Variants in CSMD2 observed in about 807,000 individuals in gnomAD.
The protein encoded by CSMD2 is CUB and Sushi multiple domains 2.
A neutral mutation model predicts 398.5 loss-of-function variants in CSMD2; 130 were observed. The observed-to-expected ratio is 0.33, with a 90% CI of 0.28 to 0.38. CSMD2 has a LOEUF of 0.38. CSMD2 is among the 10% of genes least tolerant of loss of function. The pLI is 1.00. For missense variants in CSMD2, 3,829 were observed against 4,764.9 expected, an observed-to-expected ratio of 0.80 and a Z score of 5.78; for synonymous variants, 1,828 against 1,908.5, an observed-to-expected ratio of 0.96 and a Z score of 1.10.
intron 9 of CSMD2, among the ~76,000 whole-genome samples, chr1:33,812,719 G>A (rs1313390999): frequency 6.6e-6 from 1 of 152,230 alleles, no homozygotes; most frequent in African/African-American, 2.4e-5. Flanking sequence ...GAGATATGGT[G>A]AGGATGAAAT....
At chr1:33,610,975 A>C in intron 41 of CSMD2, 66 bp downstream of exon 41, 1 of 1,457,096 alleles carries the variant, frequency 6.9e-7, no homozygotes, top group Non-Finnish European at 9.5e-7. Context: ...AAGGCTGGGA[A>C]GGTGGGTGGC....
intron 2 of CSMD2, among the ~76,000 whole-genome samples, chr1:34,052,025 G>A (rs549135156): frequency 2.0e-5 from 3 of 152,090 alleles, no homozygotes; most frequent in South Asian, 2.1e-4. Context: ...GTCTTCAACC[G>A]GGGGTATTGG....
chr1:33,955,022 AG>A (rs1645120351), intron 3 of CSMD2, among the ~76,000 whole-genome samples: 1 of 152,178 alleles, frequency 6.6e-6, no homozygotes, highest in Admixed American at 6.5e-5. Flanking sequence ...TAAAAGGAGG[AG>A]GAGGTCAAGG....
rs766075912 is a variant in CSMD2 at position 33,519,751 on chromosome 1, G to T, written c.10736+61C>A. 2.5e-5 allele frequency: 40 copies of T among 1,612,600 alleles called. No individual in the cohort carries two copies. Among genetic ancestry groups the T allele is most frequent in the Non-Finnish European group, 3.1e-5 (36 of 1,178,948 alleles). ...GAGGCTTAGGGGTCTGGTGCGGGGG[G>T]CCCTGGAGGGAGAGAGGGAGGCCTG... On this transcript the variant is annotated intron_variant, in intron 69 of 70. Transcript: ENST00000373381. This position sits in a 1 kb window ranked among gnomAD's most constrained non-coding sequence, Gnocchi z 5.6.
chr1:33,747,801 A>G (rs964329456), intron 13 of CSMD2, among the ~76,000 whole-genome samples: 1 of 152,220 alleles, frequency 6.6e-6, no homozygotes, highest in Admixed American at 6.5e-5. Flanking sequence ...ATTTATCAAT[A>G]TAAGTCTCAA....
At chr1:33,920,542 C>CAAAAAAAAAAAA (rs58865984) in intron 4 of CSMD2, among the ~76,000 whole-genome samples, 1 of 84,242 alleles carries the variant, frequency 1.2e-5, no homozygotes, top group African/African-American at 3.7e-5. Context: ...CAATCTGTCT[C>CAAAAAAAAAAAA]AAAAAAAAAA....
At chr1:33,672,708 C>T (rs1336623478) in intron 25 of CSMD2, among the ~76,000 whole-genome samples, 2 of 152,206 alleles carry the variant, frequency 1.3e-5, no homozygotes. Context: ...TGGGAGGCAA[C>T]CCCCAGTAGG....
intron 3 of CSMD2, among the ~76,000 whole-genome samples, chr1:33,965,302 C>T (rs1392161409): frequency 1.3e-5 from 2 of 152,186 alleles, no homozygotes; most frequent in African/African-American, 4.8e-5. Context: ...ATTTGCAGGG[C>T]CTCATCATTC....
chr1:33,670,210 T>C (rs1644449268), intron 25 of CSMD2, among the ~76,000 whole-genome samples: 1 of 152,192 alleles, frequency 6.6e-6, no homozygotes, highest in Non-Finnish European at 1.5e-5. Context: ...TCCTGCTCTA[T>C]CAGAGTCATC....
intron 6 of CSMD2, among the ~76,000 whole-genome samples, chr1:33,835,631 AC>A (rs1660132982): frequency 7.1e-6 from 1 of 140,340 alleles, no homozygotes; most frequent in South Asian, 2.5e-4. Flanking sequence ...GTGTACATGT[AC>A]CCTAAAACTT....
At chr1:33,688,034 A>G (rs1333523241) in intron 25 of CSMD2, among the ~76,000 whole-genome samples, 1 of 152,238 alleles carries the variant, frequency 6.6e-6, no homozygotes, top group African/African-American at 2.4e-5. Flanking sequence ...GTAAATTGCT[A>G]TAATATCTAG....
intron 42 of CSMD2, among the ~76,000 whole-genome samples, chr1:33,604,237 C>G (rs1180543752): frequency 2.0e-5 from 3 of 152,188 alleles, no homozygotes; most frequent in Non-Finnish European, 4.4e-5. Context: ...TGTTGCACAG[C>G]ACGTGATGGG....
intron 1 of CSMD2, among the ~76,000 whole-genome samples, chr1:34,113,370 C>T (rs974973772): frequency 5.9e-5 from 9 of 152,236 alleles, no homozygotes; most frequent in Non-Finnish European, 1.2e-4. Context: ...ATGCAACATC[C>T]TCTCAAAACA....
chr1:33,728,236 G>A (rs758323213), intron 15 of CSMD2, among the ~76,000 whole-genome samples: 1 of 152,086 alleles, frequency 6.6e-6, no homozygotes, highest in Non-Finnish European at 1.5e-5. Context: ...AGACTGGGGA[G>A]GAATAAAGAG....
intron 10 of CSMD2, among the ~76,000 whole-genome samples, chr1:33,806,776 A>C (rs140392592): frequency 1.3e-5 from 2 of 152,338 alleles, no homozygotes; most frequent in African/African-American, 4.8e-5. Context: ...AATTAAAATA[A>C]ATCTTCAGTG....
At chr1:33,984,472 C>T (rs1438262935) in intron 3 of CSMD2, among the ~76,000 whole-genome samples, 1 of 152,180 alleles carries the variant, frequency 6.6e-6, no homozygotes, top group African/African-American at 2.4e-5. Flanking sequence ...CTCTGGTTTC[C>T]AAACTTGCTT....
chr1:33,570,241 C>T (rs1199886794), intron 51 of CSMD2, among the ~76,000 whole-genome samples: 1 of 149,060 alleles, frequency 6.7e-6, no homozygotes. Flanking sequence ...AGTCTTGGCT[C>T]CCTGCAACCT....
chr1:33,623,970 CCCTGGGTA>C (rs772491260), intron 35 of CSMD2, among the ~76,000 whole-genome samples: 6 of 152,192 alleles, frequency 3.9e-5, no homozygotes, highest in Non-Finnish European at 7.3e-5. Context: ...TGGCTCTTAC[CCCTGGGTA>C]CCAGTTATGC....
At chr1:33,556,189 A>C (rs1424697159) in intron 55 of CSMD2, among the ~76,000 whole-genome samples, 1 of 152,222 alleles carries the variant, frequency 6.6e-6, no homozygotes, top group Non-Finnish European at 1.5e-5. Context: ...GCATTTTACT[A>C]GAAGAAAAAA....
Sources: gnomAD v4.1 joint callset for allele counts (sites outside exome capture counted in the v4.1 genomes callset) on GRCh38, gnomAD v4.1.1 for gene constraint, Gnocchi (gnomAD v3.1) non-coding constraint, MANE v1.5 for transcripts, NCBI Gene and HGNC (gene_info 2026-07-23, HGNC 2026-07-21) for gene names.